Variants in ENTREP1 observed in about 807,000 individuals in gnomAD.
ENTREP1 encodes the protein Friedreich ataxia region gene X123.
chr9:69,387,497 T>C, the ENTREP1 span: 1 of 191,692 alleles, frequency 5.2e-6, no homozygotes, highest in African/African-American at 2.4e-5. Context: ...CTTGCTGATA[T>C]AGGCAGCCAT....
the ENTREP1 span, chr9:69,377,309 A>G: frequency 4.1e-6 from 4 of 968,996 alleles, no homozygotes; most frequent in Non-Finnish European, 6.8e-6. Flanking sequence ...AAGATTTTCT[A>G]CATTGTATTC....
At chr9:69,372,341 A>G in the ENTREP1 span, among the ~76,000 whole-genome samples, 1 of 152,184 alleles carries the variant, frequency 6.6e-6, no homozygotes, top group African/African-American at 2.4e-5. Context: ...GAACAGCAAC[A>G]GCTCCCCATC....
the ENTREP1 span, among the ~76,000 whole-genome samples, chr9:69,366,807 A>G: frequency 6.6e-6 from 1 of 151,988 alleles, no homozygotes; most frequent in Non-Finnish European, 1.5e-5. Flanking sequence ...CTTTTCTCCA[A>G]TGTATGTTCT....
the ENTREP1 span, among the ~76,000 whole-genome samples, chr9:69,330,096 T>C: frequency 1.2e-4 from 18 of 145,364 alleles, no homozygotes; most frequent in African/African-American, 4.1e-4. Flanking sequence ...TAGGTTCCAC[T>C]GGGTTTAATT....
At chr9:69,354,175 A>C in the ENTREP1 span, among the ~76,000 whole-genome samples, 1 of 151,550 alleles carries the variant, frequency 6.6e-6, no homozygotes, top group Non-Finnish European at 1.5e-5. Flanking sequence ...AATTTGACCC[A>C]CATTGCACTT....
the ENTREP1 span, chr9:69,377,791 T>A: frequency 6.4e-7 from 1 of 1,559,930 alleles, no homozygotes; most frequent in East Asian, 2.3e-5. Context: ...TGCTGTGGGT[T>A]CTGAAGACTG....
the ENTREP1 span, among the ~76,000 whole-genome samples, chr9:69,342,701 T>A: frequency 2.0e-5 from 3 of 152,262 alleles, no homozygotes; most frequent in Non-Finnish European, 4.4e-5. Flanking sequence ...AATTATTTTT[T>A]AATCATTCGT....
At chr9:69,336,946 C>T in the ENTREP1 span, among the ~76,000 whole-genome samples, 1 of 151,580 alleles carries the variant, frequency 6.6e-6, no homozygotes, top group African/African-American at 2.4e-5. Context: ...GATCCTCCCG[C>T]CTTGGCCTCC....
the ENTREP1 span, chr9:69,388,460 T>C: frequency 6.4e-7 from 1 of 1,571,660 alleles, no homozygotes; most frequent in African/African-American, 1.4e-5. Context: ...GGTAGTTTTA[T>C]TATTAATCTC....
At chr9:69,367,891 A>ATATACACATATG in the ENTREP1 span, among the ~76,000 whole-genome samples, 2 of 145,176 alleles carry the variant, frequency 1.4e-5, no homozygotes, top group African/African-American at 5.0e-5. Flanking sequence ...ATACACATAT[A>ATATACACATATG]TATATACATA....
chr9:69,337,551 A>G, the ENTREP1 span, among the ~76,000 whole-genome samples: 43 of 152,262 alleles, frequency 2.8e-4, no homozygotes, highest in East Asian at 7.5e-3. Flanking sequence ...TATACAATTC[A>G]GTGGTATTTT....
chr9:69,352,533 C>G, the ENTREP1 span, among the ~76,000 whole-genome samples: 3 of 152,174 alleles, frequency 2.0e-5, no homozygotes, highest in African/African-American at 7.2e-5. Flanking sequence ...AACTGAGATG[C>G]ATGTACTAAT....
At chr9:69,342,397 C>T in the ENTREP1 span, among the ~76,000 whole-genome samples, 3 of 152,180 alleles carry the variant, frequency 2.0e-5, no homozygotes, top group Admixed American at 6.5e-5. Context: ...ATTAGCCAAT[C>T]GGTAGCCATC....
the ENTREP1 span, among the ~76,000 whole-genome samples, chr9:69,331,359 G>C: frequency 6.6e-6 from 1 of 152,098 alleles, no homozygotes; most frequent in Admixed American, 6.5e-5. Flanking sequence ...TGGTTTTTAC[G>C]TTGGAAAATG....
the ENTREP1 span, chr9:69,329,284 C>G: frequency 1.2e-6 from 1 of 869,114 alleles, no homozygotes; most frequent in East Asian, 1.2e-4. Flanking sequence ...GAAAATTTTG[C>G]TTGTGTATTT....
At chr9:69,371,502 A>C in the ENTREP1 span, 2 of 1,610,318 alleles carry the variant, frequency 1.2e-6, no homozygotes, top group South Asian at 1.1e-5. Context: ...ATTTCAGGTA[A>C]ACCTCTTTGT....
chr9:69,366,385 G>GT, the ENTREP1 span, among the ~76,000 whole-genome samples: 43,108 of 139,338 alleles, frequency 0.31, 7,526 homozygotes, highest in East Asian at 0.4. Flanking sequence ...TCCAACTGGG[G>GT]TTTTTTTTTT....
chr9:69,357,043 G>A, the ENTREP1 span, among the ~76,000 whole-genome samples: 5 of 144,758 alleles, frequency 3.5e-5, no homozygotes, highest in Non-Finnish European at 3.0e-5. Flanking sequence ...GGATCAGCTT[G>A]AGGCCAGGAG....
At chr9:69,377,709 C>T in the ENTREP1 span, 1 of 1,614,078 alleles carries the variant, frequency 6.2e-7, no homozygotes, top group Non-Finnish European at 8.5e-7. Context: ...CCTATTTTGC[C>T]ACGTTTTACT....
Sources: gnomAD v4.1 joint callset for allele counts (sites outside exome capture counted in the v4.1 genomes callset) on GRCh38, gnomAD v4.1.1 for gene constraint, MANE v1.5 for transcripts, NCBI Gene and HGNC (gene_info 2026-07-23, HGNC 2026-07-21) for gene names.